The following BMP2K variants were observed in gnomAD, a reference collection of about 807,000 sequenced individuals.
BMP2K encodes the protein BMP-2-inducible protein kinase.
Under a neutral mutation model 116.0 loss-of-function variants are expected in BMP2K, and 74 were observed. The observed-to-expected ratio is 0.64, with a 90% CI of 0.53 to 0.77. The LOEUF (loss-of-function observed/expected upper bound fraction) is 0.77, where lower values mean the gene tolerates loss of function less well. Among genes scored for constraint, BMP2K ranks in the 30% least tolerant of loss-of-function variants. BMP2K has a pLI of 0.00. For missense variants in BMP2K, 1,365 were observed against 1,403.6 expected, an observed-to-expected ratio of 0.97 and a Z score of 0.44; for synonymous variants, 486 against 502.5, an observed-to-expected ratio of 0.97 and a Z score of 0.44.
At chr4:78,859,424 C>T (rs1312234923) in intron 7 of BMP2K, 160 bp from the exon 8 acceptor site, 3 of 481,540 alleles carry the variant, frequency 6.2e-6, no homozygotes, top group African/African-American at 6.1e-5. Context: ...TATAAAATAG[C>T]AATTTCTGCA....
intron 2 of BMP2K, among the ~76,000 whole-genome samples, chr4:78,827,182 C>T (rs558992536): frequency 6.6e-6 from 1 of 152,200 alleles, no homozygotes; most frequent in African/African-American, 2.4e-5. Flanking sequence ...ACATTGTGTT[C>T]CTTGGTCTGA....
chr4:78,811,515 G>A (rs549073050), intron 1 of BMP2K, among the ~76,000 whole-genome samples: 3 of 152,222 alleles, frequency 2.0e-5, no homozygotes, highest in South Asian at 2.1e-4. Context: ...AAGACCATGC[G>A]ATTACAAATG....
intron 3 of BMP2K, among the ~76,000 whole-genome samples, chr4:78,839,640 T>C (rs78687158): frequency 0.049 from 7,492 of 152,192 alleles, 587 homozygotes; most frequent in African/African-American, 0.17. Flanking sequence ...GAGCTTTATA[T>C]GTATATAAAG....
intron 1 of BMP2K, among the ~76,000 whole-genome samples, chr4:78,815,864 A>T (rs1425196346): frequency 2.6e-5 from 4 of 152,178 alleles, no homozygotes; most frequent in Admixed American, 2.6e-4. Context: ...TAGTGGGTAA[A>T]TTACAAGAAT....
At chr4:78,875,119 T>G (rs1440997424) in intron 13 of BMP2K, among the ~76,000 whole-genome samples, 2 of 152,224 alleles carry the variant, frequency 1.3e-5, no homozygotes, top group Non-Finnish European at 2.9e-5. Context: ...CCACACTTGG[T>G]ACGTCAATGC....
At chr4:78,796,386 G>T (rs866709751) in intron 1 of BMP2K, among the ~76,000 whole-genome samples, 114 of 135,570 alleles carry the variant, frequency 8.4e-4, no homozygotes, top group East Asian at 2.1e-3. Context: ...GGGACTGTTG[G>T]GGGGTGGGGG....
intron 1 of BMP2K, among the ~76,000 whole-genome samples, chr4:78,808,575 T>C (rs1395490264): frequency 6.6e-6 from 1 of 152,176 alleles, no homozygotes; most frequent in African/African-American, 2.4e-5. Context: ...CGCTTCCTTT[T>C]TTAATACAGG....
chr4:78,854,090 A>G (rs1731385164), intron 7 of BMP2K, among the ~76,000 whole-genome samples: 1 of 151,582 alleles, frequency 6.6e-6, no homozygotes, highest in African/African-American at 2.4e-5. Context: ...ATACTGTTAA[A>G]TATAACTACT....
intron 7 of BMP2K, among the ~76,000 whole-genome samples, chr4:78,854,895 C>T (rs1039008617): frequency 1.3e-5 from 2 of 151,918 alleles, no homozygotes; most frequent in South Asian, 4.2e-4. Context: ...CCTCTATAAC[C>T]TCACCCACTC....
intron 15 of BMP2K, 66 bp from the exon 16 acceptor site, chr4:78,910,544 A>C (rs1388284306): frequency 3.1e-6 from 4 of 1,276,994 alleles, no homozygotes; most frequent in Non-Finnish European, 4.2e-6. Context: ...ATACATATTA[A>C]CATTTAGTGC....
intron 1 of BMP2K, among the ~76,000 whole-genome samples, chr4:78,787,369 C>T (rs1444737854): frequency 6.6e-6 from 1 of 152,068 alleles, no homozygotes; most frequent in Non-Finnish European, 1.5e-5. Context: ...TGTTTTATTT[C>T]TGTTATGGTT....
chr4:78,804,157 C>T (rs1728704244), intron 1 of BMP2K, among the ~76,000 whole-genome samples: 1 of 152,128 alleles, frequency 6.6e-6, no homozygotes, highest in African/African-American at 2.4e-5. Flanking sequence ...AATCACTAGT[C>T]TATTTTCTGT....
intron 1 of BMP2K, 124 bp from the exon 2 acceptor site, chr4:78,825,913 G>A: frequency 2.8e-6 from 2 of 701,900 alleles, no homozygotes; most frequent in Non-Finnish European, 4.8e-6. Flanking sequence ...GTAGCTTATT[G>A]CACTTGTTTT....
intron 1 of BMP2K, among the ~76,000 whole-genome samples, chr4:78,806,559 T>A (rs1427955839): frequency 6.6e-6 from 1 of 152,166 alleles, no homozygotes; most frequent in African/African-American, 2.4e-5. Flanking sequence ...TTTTCCTACC[T>A]AAATTGCTTG....
intron 13 of BMP2K, among the ~76,000 whole-genome samples, chr4:78,876,396 T>G (rs1732633769): frequency 6.6e-6 from 1 of 152,222 alleles, no homozygotes; most frequent in African/African-American, 2.4e-5. Context: ...GTTTTTTAAA[T>G]TAAGATACCT....
intron 7 of BMP2K, among the ~76,000 whole-genome samples, chr4:78,857,159 C>T (rs1731544660): frequency 6.6e-6 from 1 of 152,078 alleles, no homozygotes; most frequent in Non-Finnish European, 1.5e-5. Flanking sequence ...ATATTGCTTA[C>T]ATTTACCATA....
intron 1 of BMP2K, among the ~76,000 whole-genome samples, chr4:78,779,428 C>T (rs191820754): frequency 1.1e-4 from 17 of 152,280 alleles, no homozygotes; most frequent in South Asian, 2.1e-4. Context: ...CTGTTTTCAA[C>T]AGTGAAATCA....
chr4:78,778,292 T>C (rs1727343142), intron 1 of BMP2K, among the ~76,000 whole-genome samples: 1 of 152,200 alleles, frequency 6.6e-6, no homozygotes, highest in African/African-American at 2.4e-5. Context: ...GCATATCTTA[T>C]CACTACCCTA....
At position 78,840,841 on chromosome 4, in the gene BMP2K, A is replaced by C. The variant is rs115136627; in HGVS notation, c.404-1544A>C. Among the ~76,000 whole-genome samples the C allele has an allele frequency of 9.0e-3, 1,368 of 152,330 alleles. 26 individuals carry two copies. The highest frequency in any genetic ancestry group is 0.031 in the African/African-American group (1,283 of 41,576). On this transcript the variant is annotated intron_variant, in intron 3 of 15. Transcript: ENST00000502613. ...TAAAATTTATTCTGCTTATTTTAAC[A>C]TTAAAAGTTTGGAAGAGGTGGATTG... is the stretch of plus-strand genomic sequence containing the variant.
Sources: gnomAD v4.1 joint callset for allele counts (sites outside exome capture counted in the v4.1 genomes callset) on GRCh38, gnomAD v4.1.1 for gene constraint, MANE v1.5 for transcripts, NCBI Gene and HGNC (gene_info 2026-07-23, HGNC 2026-07-21) for gene names.